Variants in KLKB1 observed in about 807,000 individuals in gnomAD.
The protein encoded by KLKB1 is kallikrein B1, also known as plasma kallikrein.
Under a neutral mutation model 73.6 loss-of-function variants are expected in KLKB1, and 58 were observed. The observed-to-expected ratio is 0.79, with a 90% confidence interval of 0.64 to 0.98. KLKB1 has a LOEUF of 0.98. KLKB1 is among the 50% of genes least tolerant of loss of function. The pLI, the probability that KLKB1 is intolerant of heterozygous loss-of-function variation, is 0.00. For synonymous variants in KLKB1, 280 were observed against 258.1 expected, an observed-to-expected ratio of 1.08 and a Z score of -0.81; for missense variants, 737 against 763.8, an observed-to-expected ratio of 0.96 and a Z score of 0.41.
intron 6 of KLKB1, among the ~76,000 whole-genome samples, chr4:186,247,425 A>G (rs1048420938): frequency 1.3e-5 from 2 of 152,106 alleles, no homozygotes; most frequent in Admixed American, 1.3e-4. Context: ...GGGGGTCACA[A>G]GGTGCTCAGT....
At chr4:186,210,918 C>G in intron 2 of KLKB1, 1 of 317,064 alleles carries the variant, frequency 3.2e-6, no homozygotes, top group Non-Finnish European at 5.9e-6. Flanking sequence ...CTCACTGCAA[C>G]CTCCACCTCC....
intron 4 of KLKB1, among the ~76,000 whole-genome samples, chr4:186,236,127 AAAAAAAG>A (rs199992124): frequency 0.014 from 2,120 of 151,818 alleles, 85 homozygotes; most frequent in Admixed American, 0.09. Flanking sequence ...AAAAAAAAAA[AAAAAAAG>A]AGCCTAATTT....
intron 2 of KLKB1, among the ~76,000 whole-genome samples, chr4:186,215,084 G>C (rs1269635025): frequency 6.6e-6 from 1 of 152,022 alleles, no homozygotes; most frequent in African/African-American, 2.4e-5. Context: ...AAAATGTTGG[G>C]ATAACTTTGT....
At chr4:186,245,824 G>T (rs13128287) in intron 6 of KLKB1, among the ~76,000 whole-genome samples, 67,216 of 109,872 alleles carry the variant, frequency 0.61, 23,126 homozygotes, top group African/African-American at 0.78. Flanking sequence ...TTGTTTTTTG[G>T]TTTTTTTTTT....
At chr4:186,248,596 T>G (rs1361702890) in intron 6 of KLKB1, among the ~76,000 whole-genome samples, 1 of 8,808 alleles carries the variant, frequency 1.1e-4, no homozygotes, top group Non-Finnish European at 2.6e-4. Flanking sequence ...TGTTTCTGGA[T>G]TTTTTTTTTT....
In KLKB1 at chr4:186,245,824, G is replaced by GTTTT. The variant is rs1402408736; in HGVS notation, c.599-4410_599-4407dup. On this transcript the variant is annotated intron_variant, in intron 6 of 14. Coordinates refer to ENST00000264690, the MANE Select transcript of KLKB1 (RefSeq NM_000892.5). The stretch of plus-strand genomic sequence containing the variant: ...GGAGTTTTTTTTTGTTTGTTTTTTG[G>GTTTT]TTTTTTTTTTTTAATGTCAGGAGCT... Among the ~76,000 whole-genome samples the GTTTT allele has an allele frequency of 8.2e-3, 899 of 109,850 alleles. 164 individuals carry two copies. The highest frequency in any genetic ancestry group is 0.01 in the Non-Finnish European group (508 of 50,762). The allele number at this position is 109,850 out of a possible 152,430, so 72.1% of individuals were successfully genotyped here.
chr4:186,237,667 CTTA>C (rs1737766623), intron 5 of KLKB1, among the ~76,000 whole-genome samples: 1 of 152,022 alleles, frequency 6.6e-6, no homozygotes, highest in Non-Finnish European at 1.5e-5. Flanking sequence ...ATTTTTAAAT[CTTA>C]TTTTTATTTG....
chr4:186,215,710 A>T (rs1227904649), intron 2 of KLKB1, among the ~76,000 whole-genome samples: 1 of 152,110 alleles, frequency 6.6e-6, no homozygotes, highest in Admixed American at 6.5e-5. Context: ...AGTAGCTAGG[A>T]CTACAGGTGC....
chr4:186,214,025 T>C (rs1484699996), intron 2 of KLKB1, among the ~76,000 whole-genome samples: 4 of 152,180 alleles, frequency 2.6e-5, no homozygotes, highest in Non-Finnish European at 5.9e-5. Context: ...TCCCACTTTC[T>C]CAACCTTTGT....
chr4:186,241,476 T>C (rs1011482233), intron 6 of KLKB1, among the ~76,000 whole-genome samples: 5 of 152,174 alleles, frequency 3.3e-5, no homozygotes, highest in African/African-American at 1.2e-4. Context: ...TCAACACATA[T>C]GAATTCATTA....
chr4:186,238,211 C>G (rs747400112), intron 5 of KLKB1, 45 bp from the exon 6 acceptor site: 1 of 1,252,814 alleles, frequency 8.0e-7, no homozygotes, highest in Non-Finnish European at 1.2e-6. Context: ...GCTCCCTGCC[C>G]CTCAAAGTGC....
At chr4:186,213,476 C>T (rs1236402111) in intron 2 of KLKB1, 1 of 152,208 alleles carries the variant, frequency 6.6e-6, no homozygotes, top group African/African-American at 2.4e-5. Context: ...TCGTCAGTGA[C>T]TCTTGGATTT....
At chr4:186,254,088 C>T (rs951448104) in intron 11 of KLKB1, among the ~76,000 whole-genome samples, 1 of 152,194 alleles carries the variant, frequency 6.6e-6, no homozygotes, top group Non-Finnish European at 1.5e-5. Context: ...CCACCTCGGC[C>T]TCCCGAAGTG....
intron 11 of KLKB1, 147 bp downstream of exon 11, chr4:186,252,332 C>G (rs1580034164): frequency 2.3e-6 from 2 of 875,094 alleles, no homozygotes; most frequent in South Asian, 3.0e-5. Context: ...CTTATAGGGT[C>G]CAAGCACTGA....
intron 6 of KLKB1, among the ~76,000 whole-genome samples, chr4:186,241,725 A>G (rs1401615308): frequency 6.6e-6 from 1 of 152,244 alleles, no homozygotes; most frequent in Non-Finnish European, 1.5e-5. Flanking sequence ...CTGGGGAAGA[A>G]AGTCTGATAA....
intron 13 of KLKB1, among the ~76,000 whole-genome samples, chr4:186,256,999 C>CTG (rs921403950): frequency 2.2e-3 from 127 of 57,036 alleles, no homozygotes; most frequent in Admixed American, 3.1e-3. Context: ...CTCTCTCTCT[C>CTG]TGTGTGTGTG....
intron 13 of KLKB1, 52 bp downstream of exon 13, chr4:186,256,139 A>G (rs1245424166): frequency 8.8e-7 from 1 of 1,130,572 alleles, no homozygotes; most frequent in African/African-American, 1.5e-5. Flanking sequence ...ACATGTTGAA[A>G]TACATGGAGT....
chr4:186,240,923 C>G (rs4253260), intron 6 of KLKB1, among the ~76,000 whole-genome samples: 19,704 of 152,230 alleles, frequency 0.13, 1,557 homozygotes, highest in Middle Eastern at 0.21. Flanking sequence ...CAGGCAAGCT[C>G]GTGCTGTGGC....
rs1233053717 is a variant in KLKB1, at chr4:186,232,178, C to A, written c.110C>A (p.Ala37Asp). The A allele has an allele frequency of 1.9e-6, 3 of 1,613,386 alleles. No homozygotes were observed. The African/African-American group carries it at 4.0e-5, about 22-fold the overall frequency. Residue 37 changes from alanine (A) to aspartate (D), a missense_variant, in exon 3 of 15, where the codon GCT becomes GAT. By Grantham distance (126) the Ala-to-Asp change is moderately radical (BLOSUM62 -2). Transcript: ENST00000264690. ...GCCTTCTTCAGAGGTGGGGATGTAG[C>A]TTCCATGTACACCCCAAATGCCCAA... Reference protein sequence around the residue: ...ENAFFRGGDVASMYTPNAQYC... With the variant: ...ENAFFRGGDVDSMYTPNAQYC...
Sources: allele counts gnomAD v4.1 joint callset (sites outside exome capture counted in the v4.1 genomes callset), GRCh38; gene constraint gnomAD v4.1.1; transcripts MANE v1.5; gene names NCBI Gene and HGNC (gene_info 2026-07-23, HGNC 2026-07-21).